Variants in PPL observed in about 807,000 individuals in gnomAD.
PPL encodes 190 kDa paraneoplastic pemphigus antigen.
In PPL, 198 loss-of-function variants were observed where a neutral mutation model predicts 194.4. The observed-to-expected ratio is 1.02, with a 90% CI of 0.91 to 1.15. PPL has a LOEUF of 1.15. Among genes scored for constraint, PPL ranks in the 50% most tolerant of loss-of-function variants. The pLI, the probability that PPL is intolerant of heterozygous loss-of-function variation, is 0.00. For synonymous variants in PPL, 1,220 were observed against 972.4 expected, an observed-to-expected ratio of 1.25 and a Z score of -4.74; for missense variants, 2,885 against 2,294.8, an observed-to-expected ratio of 1.26 and a Z score of -5.25.
intron 1 of PPL, among the ~76,000 whole-genome samples, chr16:4,931,095 G>T (rs906611766): frequency 6.6e-6 from 1 of 152,166 alleles, no homozygotes; most frequent in African/African-American, 2.4e-5. Context: ...TGCGTGCAGT[G>T]GCTCATGGCT....
At chr16:4,893,099 A>G in intron 14 of PPL, 114 bp downstream of exon 14, 1 of 1,295,666 alleles carries the variant, frequency 7.7e-7, no homozygotes, top group South Asian at 1.6e-5. Flanking sequence ...TGTCCCTGAC[A>G]GACAGCTGCA....
chr16:4,901,190 T>A, intron 4 of PPL, 101 bp from the exon 5 acceptor site: 1 of 1,329,574 alleles, frequency 7.5e-7, no homozygotes. Flanking sequence ...TGGTGCTCTC[T>A]TTTTCACGGG....
Position 4,891,913 on chromosome 16 carries a change from C to T in PPL, c.1866G>A (p.Gln622=), listed in dbSNP as rs1029661785. 5.0e-6 allele frequency: 8 copies of T among 1,613,472 alleles called. No individual in the cohort carries two copies. Among genetic ancestry groups the T allele is most frequent in the African/African-American group, 1.3e-5 (1 of 74,928 alleles). The change falls in exon 16 of 22, where the codon CAG becomes CAA. Residue 622 remains glutamine, a synonymous_variant. Coordinates refer to ENST00000345988, the MANE Select transcript of PPL (RefSeq NM_002705.5). ...DVANRLEKSL[Q]QSWELLATHE... ...GTGTGGCCAGCAACTCCCAGCTCTG[C>T]TGCAGGCTCTTCTCCAGGCGGTTGG...
intron 1 of PPL, among the ~76,000 whole-genome samples, chr16:4,923,467 G>A (rs2089092852): frequency 1.3e-5 from 2 of 152,174 alleles, no homozygotes; most frequent in African/African-American, 4.8e-5. Context: ...AGGACACCAT[G>A]AATGGCAACC....
Position 4,884,655 on chromosome 16 carries a change from C to G in PPL, c.4000G>C (p.Glu1334Gln), listed in dbSNP as rs764758086. The G allele has an allele frequency of 3.7e-6, 6 of 1,614,200 alleles. No homozygotes were observed. The highest frequency in any genetic ancestry group is 1.7e-5 in the Admixed American group (1 of 60,028). The change falls in exon 22 of 22, where the codon GAG (glutamate) becomes CAG (glutamine). Residue 1334 changes from glutamate (E) to glutamine (Q), a missense_variant. Transcript: ENST00000345988. This position sits in a 1 kb window ranked among gnomAD's most constrained non-coding sequence, Gnocchi z 5.7. ...TCCTCCTCTTTCCGGGCGATCTGCTCTTCCTGGGAAGCTCTTTCCCTCTCC... is the reference window on the plus strand; with the variant it reads ...TCCTCCTCTTTCCGGGCGATCTGCTGTTCCTGGGAAGCTCTTTCCCTCTCC... ...DLERERASQE[E>Q]QIARKEEELS...
At chr16:4,901,133 G>C in intron 4 of PPL, 44 bp from the exon 5 acceptor site, 1 of 1,605,682 alleles carries the variant, frequency 6.2e-7, no homozygotes, top group Non-Finnish European at 8.5e-7. Context: ...GGTGGGCTGA[G>C]GGCTGGGGAC....
Position 4,883,880 on chromosome 16 carries a change from T to A in PPL, c.4775A>T (p.Glu1592Val). 1 of 1,614,022 alleles carries A rather than the reference T, an allele frequency of 6.2e-7. No homozygotes were observed. ...LQSEINMAAT[E>V]TRDLRNMTVA... is the part of the protein sequence containing the mutation. ...GGTCATGTTCCGCAGGTCTCGTGTT[T>A]CCGTCGCTGCCATGTTGATTTCCGA... Residue 1592 changes from glutamate to valine, a missense_variant, in exon 22 of 22, where the codon GAA becomes GTA. Coordinates refer to ENST00000345988, the MANE Select transcript of PPL (RefSeq NM_002705.5). The surrounding 1 kb of genome is among the most constrained non-coding windows in gnomAD (Gnocchi z 4.8).
At position 4,885,822 on chromosome 16, in the gene PPL, C is replaced by A; in HGVS notation, c.2833G>T (p.Val945Leu). The change falls in exon 22 of 22, where the codon GTG becomes TTG. Residue 945 changes from valine (V) to leucine (L), a missense_variant. By Grantham distance (32) the Val-to-Leu change is conservative. Transcript: ENST00000345988. This position sits in a 1 kb window ranked among gnomAD's most constrained non-coding sequence, Gnocchi z 6.3. The stretch of plus-strand genomic sequence containing the variant: ...AGCTGCTGGAAGCTCTCCTCCAGCA[C>A]GGGATCCGGCACCTTCTTGAGCACC... ...KEVLKKVPDP[V>L]LEESFQQLQR... The A allele has an allele frequency of 6.2e-7, 1 of 1,608,196 alleles. No homozygotes were observed. Among genetic ancestry groups the A allele is most frequent in the Non-Finnish European group, 8.5e-7 (1 of 1,179,994 alleles).
intron 17 of PPL, 87 bp downstream of exon 17, chr16:4,890,641 C>T: frequency 6.9e-7 from 1 of 1,441,818 alleles, no homozygotes; most frequent in South Asian, 1.4e-5. Context: ...ACAGCAAAAT[C>T]TGTGGGACAC....
At chr16:4,918,291 T>TC (rs1555523587) in intron 1 of PPL, among the ~76,000 whole-genome samples, 5 of 50,976 alleles carry the variant, frequency 9.8e-5, no homozygotes, top group Admixed American at 3.0e-4. Context: ...AGACTCCATT[T>TC]CAAAAAAAAA....
intron 1 of PPL, among the ~76,000 whole-genome samples, chr16:4,931,027 C>G (rs2089219201): frequency 6.6e-6 from 1 of 152,142 alleles, no homozygotes; most frequent in South Asian, 2.1e-4. Flanking sequence ...TGGAGGCCTG[C>G]TGGGCTGCTG....
chr16:4,890,124 G>A (rs1294834360), intron 18 of PPL, 60 bp downstream of exon 18: 12 of 1,611,478 alleles, frequency 7.4e-6, no homozygotes, highest in Admixed American at 6.7e-5. Context: ...AAAGGGGCTT[G>A]TTGACCTCTG....
intron 9 of PPL, among the ~76,000 whole-genome samples, 155 bp from the exon 10 acceptor site, chr16:4,895,871 G>A (rs1353221834): frequency 1.3e-5 from 2 of 152,188 alleles, no homozygotes; most frequent in Non-Finnish European, 2.9e-5. Context: ...GCTCCTCTGC[G>A]TGGAGACAGC....
intron 1 of PPL, among the ~76,000 whole-genome samples, chr16:4,924,268 A>G (rs572914022): frequency 2.0e-5 from 3 of 152,344 alleles, no homozygotes; most frequent in South Asian, 4.1e-4. Flanking sequence ...GGTGGTCAAC[A>G]GAACATTATT....
In PPL at chr16:4,903,888, C is replaced by T; in HGVS notation, c.315G>A (p.Glu105=). The change falls in exon 3 of 22, where the codon GAG becomes GAA. Residue 105 remains glutamate, a splice_region_variant and synonymous_variant. Coordinates refer to ENST00000345988, the MANE Select transcript of PPL (RefSeq NM_002705.5). Reference sequence around the variant, plus strand: ...GGTAAGAAGCAGAAGGGACCTACTCCTCGGCGATCATGTCCCCCTGTGGGT... The same window carrying T: ...GGTAAGAAGCAGAAGGGACCTACTCTTCGGCGATCATGTCCCCCTGTGGGT... ...MKHPQGDMIA[E]DIRQLKERVT... 3.1e-6 allele frequency: 5 copies of T among 1,614,006 alleles called. No homozygotes were observed. In the South Asian group the frequency reaches 5.5e-5, roughly 18 times the overall value.
At chr16:4,911,777 A>T (rs1487762992) in intron 1 of PPL, among the ~76,000 whole-genome samples, 1 of 152,084 alleles carries the variant, frequency 6.6e-6, no homozygotes, top group African/African-American at 2.4e-5. Context: ...AGCTCAAGCA[A>T]TTCGTCCACC....
rs762176722 is a variant in PPL, at chr16:4,894,491, G to A, written c.1370C>T (p.Pro457Leu). ...CCTGTCAGCCAGAGCCAGGGCCTCAGGGTCTGTGGGGGGGATCACAAAACA... is the reference window on the plus strand; with the variant it reads ...CCTGTCAGCCAGAGCCAGGGCCTCAAGGTCTGTGGGGGGGATCACAAAACA... ...AVCFVIPPTD[P>L]EALALADSLG... The change falls in exon 12 of 22, where the codon CCT becomes CTT. Residue 457 changes from proline (P) to leucine (L), a missense_variant. Coordinates refer to ENST00000345988, the MANE Select transcript of PPL (RefSeq NM_002705.5). 1.2e-6 allele frequency: 2 copies of A among 1,613,810 alleles called. No homozygotes were observed. The highest frequency in any genetic ancestry group is 8.5e-7 in the Non-Finnish European group (1 of 1,179,990).
intron 1 of PPL, among the ~76,000 whole-genome samples, chr16:4,919,165 C>T (rs755337445): frequency 5.7e-4 from 86 of 151,894 alleles, no homozygotes; most frequent in Non-Finnish European, 1.1e-3. Flanking sequence ...CACGGACACA[C>T]GTGCTGAGGG....
rs2088260595 is a variant in PPL at position 4,888,842 on chromosome 16, C to T, written c.2397+136G>A. 3 of 818,190 alleles carry T rather than the reference C, an allele frequency of 3.7e-6. No homozygotes were observed. In the African/African-American group the frequency reaches 5.0e-5, roughly 14 times the overall value. 50.7% of individuals were successfully genotyped at this position (818,190 alleles called of 1,614,324 possible). Reference sequence around the variant, plus strand: ...TTTCCCAAAAGCCTGTGCCAGTTTGCACAGCAGCCGGCAGTGCCTCGGATG... The same window carrying T: ...TTTCCCAAAAGCCTGTGCCAGTTTGTACAGCAGCCGGCAGTGCCTCGGATG... On this transcript the variant is annotated intron_variant, in intron 19 of 21. Coordinates refer to ENST00000345988, the MANE Select transcript of PPL (RefSeq NM_002705.5).
Sources: allele counts gnomAD v4.1 joint callset (sites outside exome capture counted in the v4.1 genomes callset), GRCh38; gene constraint gnomAD v4.1.1; non-coding constraint Gnocchi (gnomAD v3.1); transcripts MANE v1.5; gene names NCBI Gene and HGNC (gene_info 2026-07-23, HGNC 2026-07-21).